The following ZCWPW2 variants were observed in gnomAD, a reference collection of about 807,000 sequenced individuals.
The protein encoded by ZCWPW2 is zinc finger CW-type PWWP domain protein 2.
A neutral mutation model predicts 46.6 loss-of-function variants in ZCWPW2; 45 were observed. That is an observed-to-expected ratio of 0.96 (90% CI 0.76 to 1.24). The LOEUF is 1.24. Among genes scored for constraint, ZCWPW2 ranks in the 50% most tolerant of loss-of-function variants. The probability of loss-of-function intolerance (pLI) is 0.00; values close to 1 mark genes in which losing one functional copy is unlikely to be tolerated. For missense variants in ZCWPW2, 429 were observed against 403.9 expected (o/e 1.06, Z -0.53); for synonymous variants, 152 against 137.1 (o/e 1.11, Z -0.76).
chr3:28,413,266 A>T lies in ZCWPW2; in HGVS notation c.198A>T (p.Ser66=). 2 of 1,613,346 alleles carry T rather than the reference A, an allele frequency of 1.2e-6. No homozygotes were observed. The change falls in exon 3 of 10, where the codon TCA becomes TCT. Residue 66 remains serine, a synonymous_variant. Coordinates refer to ENST00000383768, the MANE Select transcript of ZCWPW2 (RefSeq NM_001040432.4). ...EPWYCFMNTD[S]RYNNCSISEE... is the part of the protein sequence containing the mutation. ...GGTACTGCTTCATGAACACTGATTCAAGATATAATAACTGCTCAATTTCTG... is the reference window on the plus strand; with the variant it reads ...GGTACTGCTTCATGAACACTGATTCTAGATATAATAACTGCTCAATTTCTG...
At chr3:28,367,862 GTTC>G (rs887854869) in intron 1 of ZCWPW2, among the ~76,000 whole-genome samples, 26 of 152,144 alleles carry the variant, frequency 1.7e-4, no homozygotes, top group African/African-American at 6.0e-4. Context: ...AGGATAGTTA[GTTC>G]TTCTTGTTGA....
chr3:28,368,745 G>A (rs1489400161), intron 1 of ZCWPW2, among the ~76,000 whole-genome samples: 4 of 152,180 alleles, frequency 2.6e-5, no homozygotes, highest in South Asian at 2.1e-4. Context: ...ATAATATCCC[G>A]CAGAGTGTTT....
At chr3:28,380,742 A>G (rs1267714851) in intron 1 of ZCWPW2, among the ~76,000 whole-genome samples, 5 of 151,392 alleles carry the variant, frequency 3.3e-5, no homozygotes, top group Non-Finnish European at 7.4e-5. Context: ...TTTTCCCTAC[A>G]TGGAATATGT....
rs1695035990 is a variant in ZCWPW2, at chr3:28,380,948, A to ATATATATATATATATTTGG, written c.-133-9535_-133-9534insTTGGTATATATATATATAT. Among the ~76,000 whole-genome samples, 6 of 41,428 alleles carry ATATATATATATATATTTGG rather than the reference A, an allele frequency of 1.4e-4. 1 individual carries two copies. The highest frequency in any genetic ancestry group is 2.0e-4 in the Non-Finnish European group (5 of 24,482). 27.2% of individuals were successfully genotyped at this position (41,428 alleles called of 152,430 possible). A position where few individuals can be genotyped will look rare whatever the true frequency, so the allele number is the denominator to read the frequency against. ...ATATATATTTGGTATATATATATATATATATATATATATATATATATATTT... is the reference window on the plus strand; with the variant it reads ...ATATATATTTGGTATATATATATATATATATATATATATATTTGGTATATATATATATATATATATATTT... On this transcript the variant is annotated intron_variant, in intron 1 of 9. Coordinates refer to ENST00000383768, the MANE Select transcript of ZCWPW2 (RefSeq NM_001040432.4).
chr3:28,420,686 G>T (rs1464291059), intron 3 of ZCWPW2, among the ~76,000 whole-genome samples: 3 of 151,258 alleles, frequency 2.0e-5, no homozygotes, highest in Non-Finnish European at 4.4e-5. Flanking sequence ...GCTGTGATAA[G>T]CTTTCACTTT....
intron 3 of ZCWPW2, among the ~76,000 whole-genome samples, chr3:28,434,389 A>G (rs974347486): frequency 2.0e-5 from 3 of 152,234 alleles, no homozygotes; most frequent in Admixed American, 1.3e-4. Flanking sequence ...AGAATGGGTA[A>G]AAGTGGGAAA....
At chr3:28,405,098 T>C (rs1183771702) in intron 2 of ZCWPW2, among the ~76,000 whole-genome samples, 1 of 152,190 alleles carries the variant, frequency 6.6e-6, no homozygotes, top group Non-Finnish European at 1.5e-5. Context: ...AAAGAAAATA[T>C]AAGTGAAATA....
intron 4 of ZCWPW2, among the ~76,000 whole-genome samples, chr3:28,457,662 CA>C (rs892806715): frequency 6.6e-6 from 1 of 152,332 alleles, no homozygotes; most frequent in East Asian, 1.9e-4. Context: ...TATCTATTGA[CA>C]CTATGCTCAT....
At chr3:28,422,952 A>G (rs1333099653) in intron 3 of ZCWPW2, among the ~76,000 whole-genome samples, 1 of 152,132 alleles carries the variant, frequency 6.6e-6, no homozygotes, top group Non-Finnish European at 1.5e-5. Flanking sequence ...CTAAGGACAT[A>G]TGCTTTTGAA....
At chr3:28,464,736 G>A (rs1234846069) in intron 4 of ZCWPW2, among the ~76,000 whole-genome samples, 1 of 152,224 alleles carries the variant, frequency 6.6e-6, no homozygotes, top group Non-Finnish European at 1.5e-5. Context: ...GGGCACAGGA[G>A]CTTTAACTTG....
At chr3:28,478,376 T>C in intron 4 of ZCWPW2, 1 of 255,468 alleles carries the variant, frequency 3.9e-6, no homozygotes, top group East Asian at 1.5e-4. Flanking sequence ...CCCAAGTAGC[T>C]GGGAATTACA....
At chr3:28,454,345 C>T (rs138854297) in intron 4 of ZCWPW2, among the ~76,000 whole-genome samples, 73 of 152,216 alleles carry the variant, frequency 4.8e-4, no homozygotes, top group Non-Finnish European at 6.8e-4. Context: ...TTAGGTCATG[C>T]AAATATTTGT....
chr3:28,513,873 C>G (rs1424644223), intron 6 of ZCWPW2, among the ~76,000 whole-genome samples, 191 bp from the exon 7 acceptor site: 1 of 151,736 alleles, frequency 6.6e-6, no homozygotes, highest in Non-Finnish European at 1.5e-5. Flanking sequence ...GTTTAGCACT[C>G]CTGAAAGATG....
intron 3 of ZCWPW2, among the ~76,000 whole-genome samples, chr3:28,432,058 C>G (rs1267418187): frequency 6.6e-6 from 1 of 152,116 alleles, no homozygotes; most frequent in Non-Finnish European, 1.5e-5. Flanking sequence ...GGGTAACCAC[C>G]CTCATGACTC....
chr3:28,376,312 A>T (rs777831277), intron 1 of ZCWPW2, among the ~76,000 whole-genome samples: 10 of 152,136 alleles, frequency 6.6e-5, no homozygotes, highest in Non-Finnish European at 1.3e-4. Context: ...AGAAATAGAA[A>T]AAACAATCTC....
intron 5 of ZCWPW2, among the ~76,000 whole-genome samples, chr3:28,481,662 G>A (rs187164706): frequency 7.1e-4 from 108 of 152,010 alleles, no homozygotes; most frequent in African/African-American, 2.3e-3. Context: ...AGAAGGATCC[G>A]GACTTTGATG....
chr3:28,357,416 G>A (rs1264887486), intron 1 of ZCWPW2, among the ~76,000 whole-genome samples: 8 of 152,106 alleles, frequency 5.3e-5, no homozygotes, highest in Admixed American at 4.6e-4. Context: ...CATGTATTTG[G>A]TTAAACATTA....
chr3:28,500,740 T>G (rs1700119109), intron 6 of ZCWPW2, among the ~76,000 whole-genome samples: 2 of 152,186 alleles, frequency 1.3e-5, no homozygotes. Flanking sequence ...AGCTTGCTAT[T>G]AATATGGAAT....
At chr3:28,367,125 T>C (rs140586013) in intron 1 of ZCWPW2, among the ~76,000 whole-genome samples, 1 of 152,198 alleles carries the variant, frequency 6.6e-6, no homozygotes, top group East Asian at 1.9e-4. Flanking sequence ...TTTGAAGGGT[T>C]TTTTGTGTCT....
Sources: gnomAD v4.1 joint callset for allele counts (sites outside exome capture counted in the v4.1 genomes callset) on GRCh38, gnomAD v4.1.1 for gene constraint, MANE v1.5 for transcripts, NCBI Gene and HGNC (gene_info 2026-07-23, HGNC 2026-07-21) for gene names.